USP40: variants seen among roughly 807,000 people sequenced by gnomAD.
USP40 encodes the protein ubiquitin specific peptidase 40, also known as ubiquitin carboxyl-terminal hydrolase 40.
In USP40, 143 loss-of-function variants were observed where a neutral mutation model predicts 166.2. The observed-to-expected ratio is 0.86, with a 90% CI of 0.75 to 0.99. The LOEUF is 0.99. Ranked by LOEUF, USP40 falls within the 50% of genes least tolerant of loss-of-function variation. The pLI is 0.00. For missense variants in USP40, 1,444 were observed against 1,479.7 expected (o/e 0.98, Z 0.40); for synonymous variants, 498 against 524.0 (o/e 0.95, Z 0.68).
chr2:233,549,132 T>A lies in USP40; in HGVS notation c.935A>T (p.Asp312Val). The change falls in exon 8 of 32, where the codon GAT becomes GTT. Residue 312 changes from aspartate (D) to valine (V), a missense_variant. Transcript: ENST00000678225. ...CTGCCAGTTTCCCAAATGATCAACATCTTTAATATATACATGGTAATGGCC... is the reference window on the plus strand; with the variant it reads ...CTGCCAGTTTCCCAAATGATCAACAACTTTAATATATACATGGTAATGGCC... ...YGGHYHVYIK[D>V]VDHLGNWQFQ... 6.2e-7 allele frequency: 1 copy of A among 1,602,392 alleles called. No individual in the cohort carries two copies. The highest frequency in any genetic ancestry group is 1.1e-5 in the South Asian group (1 of 88,610).
At position 233,491,274 on chromosome 2, in the gene USP40, A is replaced by G; in HGVS notation, c.2918-13T>C. Reference sequence around the variant, plus strand: ...TTCCCAGAAGCACCTTCCAAAGGACAGAGCGGGATGTTTACAAGGAACTTG... The same window carrying G: ...TTCCCAGAAGCACCTTCCAAAGGACGGAGCGGGATGTTTACAAGGAACTTG... On this transcript the variant is annotated splice_polypyrimidine_tract_variant and intron_variant, in intron 25 of 31. Coordinates refer to ENST00000678225, the MANE Select transcript of USP40 (RefSeq NM_001365479.2). 6.3e-7 allele frequency: 1 copy of G among 1,591,198 alleles called. No individual in the cohort carries two copies. Among genetic ancestry groups the G allele is most frequent in the Non-Finnish European group, 8.6e-7 (1 of 1,161,698 alleles).
Position 233,499,737 on chromosome 2 carries a change from T to C in USP40, c.2650+142A>G, listed in dbSNP as rs887409340. The C allele has an allele frequency of 1.8e-5, 11 of 622,546 alleles. No homozygotes were observed. The Admixed American group carries it at 3.1e-4, about 17-fold the overall frequency. 38.6% of individuals were successfully genotyped at this position (622,546 alleles called of 1,614,324 possible). A position where few individuals can be genotyped will look rare whatever the true frequency, so the allele number is the denominator to read the frequency against. ...TGCCAACAAGAACCAGGAGAATTCA[T>C]TATGTACATATGGAAGTGTAAACTA... On this transcript the variant is annotated intron_variant, in intron 22 of 31. Transcript: ENST00000678225.
intron 23 of USP40, 112 bp downstream of exon 23, chr2:233,498,436 T>C: frequency 1.1e-6 from 1 of 932,606 alleles, no homozygotes; most frequent in Non-Finnish European, 1.6e-6. Context: ...CATAGATATT[T>C]GTATCCTATA....
At chr2:233,517,552 T>C (rs1222305837) in intron 18 of USP40, among the ~76,000 whole-genome samples, 2 of 151,956 alleles carry the variant, frequency 1.3e-5, no homozygotes, top group Non-Finnish European at 2.9e-5. Context: ...GCCTGGCTAA[T>C]TTTTGTTGTA....
At chr2:233,526,729 A>T (rs546721041) in intron 13 of USP40, among the ~76,000 whole-genome samples, 2 of 152,346 alleles carry the variant, frequency 1.3e-5, no homozygotes, top group East Asian at 3.9e-4. Context: ...GAAGAGGGAC[A>T]GAGTCCCAGC....
intron 12 of USP40, among the ~76,000 whole-genome samples, 200 bp from the exon 13 acceptor site, chr2:233,527,778 G>T (rs555647423): frequency 6.6e-6 from 1 of 152,208 alleles, no homozygotes; most frequent in African/African-American, 2.4e-5. Context: ...AATTCCAAGA[G>T]AAAACTGTTT....
At chr2:233,529,281 A>G (rs1008236322) in intron 12 of USP40, 150 bp downstream of exon 12, 5 of 584,626 alleles carry the variant, frequency 8.6e-6, no homozygotes, top group Non-Finnish European at 1.5e-5. Context: ...AGTTACCCTC[A>G]CTATAAAAAT....
At chr2:233,523,099 T>C in intron 16 of USP40, 71 bp downstream of exon 16, 1 of 1,452,448 alleles carries the variant, frequency 6.9e-7, no homozygotes, top group South Asian at 1.4e-5. Flanking sequence ...AATAAAGCTT[T>C]AGAGTTCTGC....
In USP40 at chr2:233,519,681, A is replaced by G; in HGVS notation, c.2326-10T>C. ...GAATATCAAACACCATCTAAAACAGAGAAATAAAATAATGACTAAGTTGTA... is the reference window on the plus strand; with the variant it reads ...GAATATCAAACACCATCTAAAACAGGGAAATAAAATAATGACTAAGTTGTA... On this transcript the variant is annotated splice_polypyrimidine_tract_variant and intron_variant, in intron 17 of 31. Transcript: ENST00000678225. The G allele has an allele frequency of 7.3e-7, 1 of 1,374,180 alleles. No homozygotes were observed. The highest frequency in any genetic ancestry group is 2.3e-5 in the Admixed American group (1 of 43,780). 85.1% of individuals were successfully genotyped at this position (1,374,180 alleles called of 1,614,324 possible).
chr2:233,513,450 G>C (rs2066967250), intron 18 of USP40, among the ~76,000 whole-genome samples: 2 of 152,166 alleles, frequency 1.3e-5, no homozygotes, highest in Non-Finnish European at 2.9e-5. Flanking sequence ...CACCAGACTT[G>C]AAAGAAATGA....
chr2:233,525,381 G>T, intron 14 of USP40, 97 bp downstream of exon 14: 1 of 778,272 alleles, frequency 1.3e-6, no homozygotes. Flanking sequence ...GAAAGTAGTA[G>T]GTGGGGAAGG....
rs773136606 is a variant in USP40 at position 233,476,345 on chromosome 2, C to T, written c.*1047G>A. On this transcript the variant is annotated 3_prime_UTR_variant, in exon 32 of 32. Coordinates refer to ENST00000678225, the MANE Select transcript of USP40 (RefSeq NM_001365479.2). ...ATGCTGCTTTCCGCTAAGCTGCTGTCTGGGAAAGTCAACCGTCTATGTCCC... is the reference window on the plus strand; with the variant it reads ...ATGCTGCTTTCCGCTAAGCTGCTGTTTGGGAAAGTCAACCGTCTATGTCCC... 2.0e-5 allele frequency: 3 copies of T among 152,354 alleles called. No individual in the cohort carries two copies. The highest frequency in any genetic ancestry group is 2.9e-5 in the Non-Finnish European group (2 of 68,040). 9.4% of individuals were successfully genotyped at this position (152,354 alleles called of 1,614,324 possible). A position where few individuals can be genotyped will look rare whatever the true frequency, so the allele number is the denominator to read the frequency against.
chr2:233,477,115 A>T lies in USP40; in HGVS notation c.*277T>A. The T allele has an allele frequency of 2.2e-6, 1 of 454,486 alleles. No homozygotes were observed. The highest frequency in any genetic ancestry group is 4.1e-6 in the Non-Finnish European group (1 of 244,554). The allele number at this position is 454,486 out of a possible 1,614,324, so 28.2% of individuals were successfully genotyped here. ...CATTTTCTGGTTAAAAGAAAAAAAAAGGCAGCTGGGGCCGGGTGCTGTGTG... is the reference window on the plus strand; with the variant it reads ...CATTTTCTGGTTAAAAGAAAAAAAATGGCAGCTGGGGCCGGGTGCTGTGTG... On this transcript the variant is annotated 3_prime_UTR_variant, in exon 32 of 32. Coordinates refer to ENST00000678225, the MANE Select transcript of USP40 (RefSeq NM_001365479.2).
chr2:233,553,391 G>C (rs73996125), intron 6 of USP40, among the ~76,000 whole-genome samples: 2,006 of 152,286 alleles, frequency 0.013, 37 homozygotes, highest in African/African-American at 0.046. Flanking sequence ...TCCAAAAAGA[G>C]TTATTCAGAT....
intron 20 of USP40, 83 bp downstream of exon 20, chr2:233,511,626 A>G: frequency 9.9e-7 from 1 of 1,010,692 alleles, no homozygotes; most frequent in Non-Finnish European, 1.4e-6. Flanking sequence ...GAAAAACAAT[A>G]TTACTGGAGT....
At chr2:233,498,143 C>T (rs978390764) in intron 23 of USP40, among the ~76,000 whole-genome samples, 1 of 152,214 alleles carries the variant, frequency 6.6e-6, no homozygotes, top group Non-Finnish European at 1.5e-5. Flanking sequence ...CAAAGCCTAA[C>T]TTAGGAATGG....
At chr2:233,538,309 A>G (rs1166477837) in intron 10 of USP40, among the ~76,000 whole-genome samples, 2 of 152,180 alleles carry the variant, frequency 1.3e-5, no homozygotes, top group East Asian at 3.8e-4. Flanking sequence ...GTAAATAACT[A>G]AACATTCTAA....
chr2:233,487,521 A>G (rs959118162), intron 28 of USP40, among the ~76,000 whole-genome samples: 1 of 152,218 alleles, frequency 6.6e-6, no homozygotes, highest in Non-Finnish European at 1.5e-5. Context: ...ACTAAAATTA[A>G]ATACATGTTA....
intron 18 of USP40, among the ~76,000 whole-genome samples, chr2:233,518,335 G>A (rs1320022399): frequency 6.6e-6 from 1 of 150,574 alleles, no homozygotes; most frequent in African/African-American, 2.4e-5. Flanking sequence ...GGGAGGCCGA[G>A]GTGGGCAGAT....
Sources: gnomAD v4.1 joint callset for allele counts (sites outside exome capture counted in the v4.1 genomes callset) on GRCh38, gnomAD v4.1.1 for gene constraint, MANE v1.5 for transcripts, NCBI Gene and HGNC (gene_info 2026-07-23, HGNC 2026-07-21) for gene names.